DPRX: variants seen among roughly 807,000 people sequenced by gnomAD.
DPRX encodes the protein divergent paired-related homeobox.
A neutral mutation model predicts 8.4 loss-of-function variants in DPRX; 11 were observed. The ratio of observed to expected loss-of-function variants is 1.31; its 90% confidence interval spans 0.82 to 2.17. The LOEUF is 2.17. Among genes scored for constraint, DPRX ranks in the 30% most tolerant of loss-of-function variants. The pLI is 0.00. For missense variants in DPRX, 211 were observed against 236.7 expected (o/e 0.89, Z 0.71); for synonymous variants, 72 against 87.0 (o/e 0.83, Z 0.96).
chr19:53,629,080 G>A (rs917432770), upstream of DPRX, among the ~76,000 whole-genome samples: 11 of 151,482 alleles, frequency 7.3e-5, no homozygotes, highest in African/African-American at 2.4e-4. Flanking sequence ...TTGGGAGGCC[G>A]AGGCGGGCAG....
chr19:53,603,439 T>G, the DPRX span: 1 of 456,240 alleles, frequency 2.2e-6, no homozygotes, highest in South Asian at 1.5e-5. Flanking sequence ...GCCGGAGTGC[T>G]GGACGCTTCA....
the DPRX span, among the ~76,000 whole-genome samples, chr19:53,605,450 C>T: frequency 2.0e-5 from 3 of 150,798 alleles, no homozygotes; most frequent in African/African-American, 7.3e-5. Context: ...GATCTTAGCT[C>T]ACAGCAAGCT....
At chr19:53,618,987 TC>T in the DPRX span, among the ~76,000 whole-genome samples, 3 of 151,944 alleles carry the variant, frequency 2.0e-5, no homozygotes, top group Non-Finnish European at 4.4e-5. Flanking sequence ...CAGCCAGTAG[TC>T]TTTTATCCTT....
exon 2 of DPRX, chr19:53,634,651 C>G: frequency 6.2e-7 from 1 of 1,613,878 alleles, no homozygotes; most frequent in Non-Finnish European, 8.5e-7. Context: ...AAAGAAATGG[C>G]CTCGAAAATA....
the DPRX span, among the ~76,000 whole-genome samples, chr19:53,619,054 T>C: frequency 7.9e-5 from 12 of 152,248 alleles, no homozygotes; most frequent in Admixed American, 7.2e-4. Context: ...ATGTCCTTTT[T>C]ACATCCCTGT....
the DPRX span, among the ~76,000 whole-genome samples, chr19:53,607,704 A>AAAC: frequency 6.9e-6 from 1 of 144,950 alleles, no homozygotes; most frequent in African/African-American, 2.6e-5. Context: ...AAAAAAAAAA[A>AAAC]CCAAATTGGC....
chr19:53,615,243 A>G, the DPRX span, among the ~76,000 whole-genome samples: 3 of 151,070 alleles, frequency 2.0e-5, no homozygotes, highest in Admixed American at 6.6e-5. Flanking sequence ...AAATGCTGGG[A>G]TTATAGGCAT....
upstream of DPRX, among the ~76,000 whole-genome samples, chr19:53,630,828 T>C (rs1401402460): frequency 6.6e-6 from 1 of 151,730 alleles, no homozygotes; most frequent in Non-Finnish European, 1.5e-5. Flanking sequence ...AGCCTGGGCA[T>C]CTGAAAGGTG....
the DPRX span, among the ~76,000 whole-genome samples, chr19:53,616,605 T>G: frequency 6.6e-6 from 1 of 152,102 alleles, no homozygotes. Flanking sequence ...AAATACAAAA[T>G]TAGCCAGGTT....
the DPRX span, among the ~76,000 whole-genome samples, chr19:53,622,274 A>G: frequency 2.0e-5 from 3 of 152,118 alleles, no homozygotes; most frequent in Non-Finnish European, 4.4e-5. Flanking sequence ...CTTGCAGTAA[A>G]CAAGGAATTT....
chr19:53,601,745 G>A, the DPRX span, among the ~76,000 whole-genome samples: 1 of 152,196 alleles, frequency 6.6e-6, no homozygotes, highest in African/African-American at 2.4e-5. Context: ...GCCTCCCAAA[G>A]TGCTGGGATT....
At chr19:53,603,226 C>T in the DPRX span, 1 of 422,180 alleles carries the variant, frequency 2.4e-6, no homozygotes, top group East Asian at 7.2e-5. Context: ...CAAAAGTGCG[C>T]CTACTAAGAA....
the DPRX span, among the ~76,000 whole-genome samples, chr19:53,621,964 C>T: frequency 1.3e-5 from 2 of 152,114 alleles, no homozygotes; most frequent in African/African-American, 2.4e-5. Context: ...GTTTCCCCCA[C>T]GTCGTCTACA....
At chr19:53,632,874 T>C (rs2091098469) in intron 1 of DPRX, among the ~76,000 whole-genome samples, 1 of 152,200 alleles carries the variant, frequency 6.6e-6, no homozygotes, top group African/African-American at 2.4e-5. Flanking sequence ...CAGGGGAATC[T>C]GATTCCTATG....
chr19:53,631,186 A>G (rs10417210), upstream of DPRX, among the ~76,000 whole-genome samples: 2,248 of 150,780 alleles, frequency 0.015, 51 homozygotes, highest in African/African-American at 0.051. Context: ...AGCTACTGGG[A>G]AGGCTGAGGC....
At position 53,635,644 on chromosome 19, in the gene DPRX, G is replaced by C. The variant is rs187427611; in HGVS notation, c.184-952G>C. ...GATCCACCCACCTCAGCCTCCCAGA[G>C]TCCTGGGATTATAGGCATGAGCCAC... On this transcript the variant is annotated intron_variant, in intron 2 of 2. Coordinates refer to ENST00000376650, the Ensembl canonical transcript of DPRX. 1.8e-4 allele frequency among the ~76,000 whole-genome samples: 27 copies of C among 152,222 alleles called. No individual in the cohort carries two copies. In the East Asian group the frequency reaches 5.2e-3, roughly 29 times the overall value.
the DPRX span, among the ~76,000 whole-genome samples, chr19:53,626,378 C>T: frequency 1.3e-5 from 2 of 152,260 alleles, no homozygotes; most frequent in Non-Finnish European, 2.9e-5. Context: ...CACGCCCCAC[C>T]GTGAGACCCC....
the DPRX span, among the ~76,000 whole-genome samples, chr19:53,604,977 CA>C: frequency 6.6e-6 from 1 of 152,038 alleles, no homozygotes; most frequent in Non-Finnish European, 1.5e-5. Flanking sequence ...ATGGAAATAT[CA>C]CACTGTACCC....
chr19:53,617,196 G>T, the DPRX span: 1 of 942,652 alleles, frequency 1.1e-6, no homozygotes. Flanking sequence ...GTCCTATTGA[G>T]TTTTTTTCAC....
Sources: allele counts gnomAD v4.1 joint callset (sites outside exome capture counted in the v4.1 genomes callset), GRCh38; gene constraint gnomAD v4.1.1; transcripts MANE v1.5; gene names NCBI Gene and HGNC (gene_info 2026-07-23, HGNC 2026-07-21).